GALC: variants seen among roughly 807,000 people sequenced by gnomAD.
GALC encodes the protein galactosylceramidase.
Under a neutral mutation model 91.8 loss-of-function variants are expected in GALC, and 77 were observed. The observed-to-expected ratio is 0.84, with a 90% confidence interval of 0.70 to 1.01. GALC has a LOEUF of 1.01. Among genes scored for constraint, GALC ranks in the 50% least tolerant of loss-of-function variants. GALC has a pLI of 0.00. For missense variants in GALC, 882 were observed against 855.9 expected (o/e 1.03, Z -0.38); for synonymous variants, 357 against 306.7 (o/e 1.16, Z -1.71).
chr14:87,965,406 C>T (rs1345506626), intron 9 of GALC, 99 bp downstream of exon 9: 3 of 1,292,028 alleles, frequency 2.3e-6, no homozygotes, highest in African/African-American at 1.5e-5. Context: ...ATACTTAAAA[C>T]ACGCATAGAC....
chr14:87,991,669 T>C (rs1366315439), intron 1 of GALC, among the ~76,000 whole-genome samples: 1 of 152,242 alleles, frequency 6.6e-6, no homozygotes, highest in African/African-American at 2.4e-5. Context: ...TTTCATTATT[T>C]AGTGAGTTCC....
intron 10 of GALC, among the ~76,000 whole-genome samples, chr14:87,958,139 T>A (rs962453295): frequency 1.3e-5 from 2 of 152,228 alleles, no homozygotes; most frequent in Admixed American, 6.5e-5. Flanking sequence ...CAAAACAGCA[T>A]GTTACTGGTT....
intron 13 of GALC, among the ~76,000 whole-genome samples, chr14:87,947,022 T>C (rs776725265): frequency 6.6e-6 from 1 of 151,822 alleles, no homozygotes; most frequent in African/African-American, 2.4e-5. Flanking sequence ...CAATGCCAGC[T>C]CCCTCCCTAT....
At chr14:87,984,875 G>A (rs1372683892) in intron 4 of GALC, among the ~76,000 whole-genome samples, 1 of 152,152 alleles carries the variant, frequency 6.6e-6, no homozygotes, top group Non-Finnish European at 1.5e-5. Flanking sequence ...CTGTTGGAAT[G>A]TTCAATATTC....
intron 15 of GALC, 80 bp from the exon 16 acceptor site, chr14:87,940,061 G>C: frequency 9.5e-7 from 1 of 1,056,550 alleles, no homozygotes; most frequent in South Asian, 1.3e-5. Flanking sequence ...TGGGGTTCTT[G>C]AGTGGCATCT....
At chr14:87,985,972 C>CT (rs1886951718) in intron 4 of GALC, among the ~76,000 whole-genome samples, 1 of 152,102 alleles carries the variant, frequency 6.6e-6, no homozygotes. Flanking sequence ...CAAAAACTAA[C>CT]TAATAAACAA....
intron 4 of GALC, among the ~76,000 whole-genome samples, chr14:87,985,846 A>G (rs1453604705): frequency 6.6e-6 from 1 of 152,216 alleles, no homozygotes; most frequent in Non-Finnish European, 1.5e-5. Flanking sequence ...ACATAGTCCC[A>G]TTTAAGCAAC....
Position 87,993,155 on chromosome 14 carries a change from AC to A in GALC, c.9del (p.Glu3AspfsTer15), listed in dbSNP as rs1555384380. On this transcript the variant is annotated frameshift_variant, in exon 1 of 17. Coordinates refer to ENST00000261304, the MANE Select transcript of GALC (RefSeq NM_000153.4). LOFTEE classifies it high-confidence loss of function. The stretch of plus-strand genomic sequence containing the variant: ...CGTTGCCAGGAAGCCGAGAGTAGCC[AC>A]TCAGCCATTGTGTGGGTCACATGAC... MA[E>X]WLLSASWQRR... is the part of the protein sequence containing the mutation. 10 of 1,590,982 alleles carry A rather than the reference AC, an allele frequency of 6.3e-6. No homozygotes were observed. The highest frequency in any genetic ancestry group is 8.6e-6 in the Non-Finnish European group (10 of 1,169,204).
chr14:87,963,469 T>C lies in GALC; in HGVS notation c.1076A>G (p.Lys359Arg). The change falls in exon 10 of 17, where the codon AAG becomes AGG. Residue 359 changes from lysine to arginine, a missense_variant. Transcript: ENST00000261304. Reference protein sequence around the residue: ...QFTQPGWYYLKTVGHLEKGGS... With the variant: ...QFTQPGWYYLRTVGHLEKGGS... ...TCCTTTCTCTAAATGGCCAACTGTC[T>C]TCAGGTAATACCAGCCAGGTTGAGT... The C allele has an allele frequency of 6.2e-7, 1 of 1,613,184 alleles. No homozygotes were observed. The highest frequency in any genetic ancestry group is 8.5e-7 in the Non-Finnish European group (1 of 1,179,300).
rs141299460 is a variant in GALC, at chr14:87,938,017, T to C, written c.1911+1888A>G. On this transcript the variant is annotated intron_variant, in intron 16 of 16. Transcript: ENST00000261304. The stretch of plus-strand genomic sequence containing the variant: ...TTCAAGTAACTGAAAGTTTGTTTTT[T>C]AAAAGTCAAATCGAATAATATATAT... 1.7e-3 allele frequency among the ~76,000 whole-genome samples: 262 copies of C among 152,122 alleles called. 1 individual carries two copies. Among genetic ancestry groups the C allele is most frequent in the African/African-American group, 5.9e-3 (247 of 41,558 alleles).
intron 10 of GALC, chr14:87,954,831 G>A (rs921903657): frequency 1.2e-6 from 2 of 1,606,464 alleles, no homozygotes; most frequent in Non-Finnish European, 1.7e-6. Flanking sequence ...ATAAGAACAG[G>A]ATCTACAAAC....
intron 3 of GALC, chr14:87,987,075 T>C (rs1482951095): frequency 8.9e-6 from 4 of 451,692 alleles, no homozygotes; most frequent in Non-Finnish European, 1.8e-5. Flanking sequence ...AGGAAGAGTT[T>C]TGAGGAAAAA....
At chr14:87,984,255 G>T in intron 5 of GALC, 139 bp downstream of exon 5, 3 of 773,538 alleles carry the variant, frequency 3.9e-6, no homozygotes, top group African/African-American at 1.8e-5. Context: ...TACTTAGTTT[G>T]TGTTATTATC....
At chr14:87,965,996 C>G (rs942511069) in intron 8 of GALC, among the ~76,000 whole-genome samples, 2 of 152,154 alleles carry the variant, frequency 1.3e-5, no homozygotes, top group Admixed American at 6.6e-5. Flanking sequence ...TTCCTTTCAA[C>G]AGTCAGCCTT....
At position 87,965,360 on chromosome 14, in the gene GALC, T is replaced by C. The variant is rs17760463; in HGVS notation, c.1033+145A>G. On this transcript the variant is annotated intron_variant, in intron 9 of 16. Coordinates refer to ENST00000261304, the MANE Select transcript of GALC (RefSeq NM_000153.4). ...AGTCTAGTTACCCAAAATATTCTTA[T>C]AAAACACTGGCAAATCTTGCTTAAA... The C allele has an allele frequency of 0.14, 119,192 of 866,664 alleles. 9,310 individuals carry two copies. The highest frequency in any genetic ancestry group is 0.16 in the Non-Finnish European group (86,832 of 541,344). The allele number at this position is 866,664 out of a possible 1,614,324, so 53.7% of individuals were successfully genotyped here. A position where few individuals can be genotyped will look rare whatever the true frequency, so the allele number is the denominator to read the frequency against.
At chr14:87,971,929 A>G (rs1464833333) in intron 7 of GALC, among the ~76,000 whole-genome samples, 4 of 152,210 alleles carry the variant, frequency 2.6e-5, no homozygotes, top group Non-Finnish European at 5.9e-5. Flanking sequence ...TTGAGGGAGA[A>G]CAACTTTCAG....
At chr14:87,966,803 C>T (rs1886074306) in intron 8 of GALC, among the ~76,000 whole-genome samples, 1 of 152,126 alleles carries the variant, frequency 6.6e-6, no homozygotes, top group African/African-American at 2.4e-5. Flanking sequence ...TGGGCATATA[C>T]AAAGATATTT....
chr14:87,939,640 T>C (rs1303718805), intron 16 of GALC, among the ~76,000 whole-genome samples: 1 of 151,884 alleles, frequency 6.6e-6, no homozygotes, highest in Non-Finnish European at 1.5e-5. Context: ...TTATTGACTC[T>C]ATCAATTATG....
At chr14:87,961,568 C>T (rs1036465495) in intron 10 of GALC, among the ~76,000 whole-genome samples, 1 of 152,174 alleles carries the variant, frequency 6.6e-6, no homozygotes, top group African/African-American at 2.4e-5. Flanking sequence ...ACACTCCCCG[C>T]AAATATTTTA....
Sources: gnomAD v4.1 joint callset for allele counts (sites outside exome capture counted in the v4.1 genomes callset) on GRCh38, gnomAD v4.1.1 for gene constraint, MANE v1.5 for transcripts, NCBI Gene and HGNC (gene_info 2026-07-23, HGNC 2026-07-21) for gene names.